LTBP1: variants seen among roughly 807,000 people sequenced by gnomAD.
LTBP1 encodes the protein latent transforming growth factor beta binding protein 1.
A neutral mutation model predicts 207.6 loss-of-function variants in LTBP1; 129 were observed. That is an observed-to-expected ratio of 0.62 (90% confidence interval 0.54 to 0.72). The LOEUF (loss-of-function observed/expected upper bound fraction) is 0.72, where lower values mean the gene tolerates loss of function less well. LTBP1 is among the 30% of genes least tolerant of loss of function. LTBP1 has a pLI of 0.00. For synonymous variants in LTBP1, 963 were observed against 833.7 expected, an observed-to-expected ratio of 1.16 and a Z score of -2.67; for missense variants, 2,281 against 2,217.2, an observed-to-expected ratio of 1.03 and a Z score of -0.58.
chr2:33,122,799 CT>C (rs1349364259), intron 4 of LTBP1, among the ~76,000 whole-genome samples: 1 of 151,670 alleles, frequency 6.6e-6, no homozygotes, highest in African/African-American at 2.4e-5. Context: ...TGAGGTTTGG[CT>C]TATATGGCCA....
intron 24 of LTBP1, among the ~76,000 whole-genome samples, chr2:33,337,851 T>G (rs1015217261): frequency 1.3e-5 from 2 of 152,264 alleles, no homozygotes; most frequent in Non-Finnish European, 2.9e-5. Flanking sequence ...CTTGTTCGTT[T>G]AGTCTTGCTG....
chr2:33,135,281 A>G (rs1394570422), intron 5 of LTBP1, among the ~76,000 whole-genome samples: 1 of 152,188 alleles, frequency 6.6e-6, no homozygotes, highest in East Asian at 1.9e-4. Context: ...ACTTGTGCTG[A>G]TAAGCTTCAA....
At chr2:33,076,575 C>T (rs1233856043) in intron 3 of LTBP1, among the ~76,000 whole-genome samples, 1 of 151,040 alleles carries the variant, frequency 6.6e-6, no homozygotes, top group Non-Finnish European at 1.5e-5. Flanking sequence ...TCACTCTTGT[C>T]ACCCAGGCTG....
chr2:32,960,235 G>A (rs4952324), intron 2 of LTBP1, among the ~76,000 whole-genome samples: 26,517 of 152,028 alleles, frequency 0.17, 2,520 homozygotes, highest in East Asian at 0.27. Flanking sequence ...TGTTGTGAAT[G>A]TCAGGCATAC....
intron 3 of LTBP1, among the ~76,000 whole-genome samples, chr2:33,104,439 G>C (rs2079936550): frequency 6.6e-6 from 1 of 151,940 alleles, no homozygotes; most frequent in Admixed American, 6.6e-5. Flanking sequence ...GATTTCTCTG[G>C]CCCTTGTTGG....
At chr2:33,254,549 G>T (rs868435341) in intron 11 of LTBP1, among the ~76,000 whole-genome samples, 43 of 95,512 alleles carry the variant, frequency 4.5e-4, no homozygotes, top group East Asian at 6.9e-4. Flanking sequence ...TTTAAACTTG[G>T]TTTTTTTTTT....
chr2:33,070,616 T>A (rs2077740284), intron 3 of LTBP1, among the ~76,000 whole-genome samples: 1 of 152,260 alleles, frequency 6.6e-6, no homozygotes, highest in African/African-American at 2.4e-5. Context: ...GGGCCACACC[T>A]AATTTACAAG....
At position 33,342,831 on chromosome 2, in the gene LTBP1, T is replaced by C; in HGVS notation, c.3731-7T>C. The C allele has an allele frequency of 6.2e-7, 1 of 1,613,226 alleles. No homozygotes were observed. The highest frequency in any genetic ancestry group is 1.3e-5 in the African/African-American group (1 of 75,038). On this transcript the variant is annotated splice_region_variant and splice_polypyrimidine_tract_variant and intron_variant, in intron 24 of 33. Transcript: ENST00000404816. ...TTTGTGTCTGATGTTCCATGTCTTTTTTGCAGATATTGATGAATGTGTAAA... is the reference window on the plus strand; with the variant it reads ...TTTGTGTCTGATGTTCCATGTCTTTCTTGCAGATATTGATGAATGTGTAAA...
chr2:33,003,033 T>C (rs1405390845), intron 2 of LTBP1, among the ~76,000 whole-genome samples: 1 of 152,128 alleles, frequency 6.6e-6, no homozygotes, highest in East Asian at 1.9e-4. Context: ...TTACAATACG[T>C]AGAATAATAA....
chr2:33,143,415 G>A (rs1334997925), intron 5 of LTBP1, among the ~76,000 whole-genome samples: 1 of 152,126 alleles, frequency 6.6e-6, no homozygotes, highest in Non-Finnish European at 1.5e-5. Context: ...GCTGTGAGGT[G>A]TACACAGAAT....
intron 2 of LTBP1, among the ~76,000 whole-genome samples, chr2:32,987,847 G>A (rs371214565): frequency 6.6e-6 from 1 of 152,154 alleles, no homozygotes. Context: ...AGCTCCTAAT[G>A]CCTGGAGCCT....
chr2:32,979,059 C>T (rs1682327830), intron 2 of LTBP1, among the ~76,000 whole-genome samples: 1 of 151,372 alleles, frequency 6.6e-6, no homozygotes, highest in Admixed American at 6.6e-5. Context: ...TTTTTTTCAT[C>T]TTTGATTTTA....
Position 33,187,048 on chromosome 2 carries a change from C to T in LTBP1, c.1394C>T (p.Pro465Leu). Residue 465 changes from proline (P) to leucine (L), a missense_variant, in exon 6 of 34, where the codon CCT becomes CTT. Physicochemically the swap from Pro to Leu is moderately conservative, Grantham distance 98. Transcript: ENST00000404816. Reference protein sequence around the residue: ...THVIHSTHTLPLTVTSQQGVK... With the variant: ...THVIHSTHTLLLTVTSQQGVK... Reference sequence around the variant, plus strand: ...GTCATCCATTCAACACATACCTTGCCTCTGACCGTGACTAGCCAGCAAGGA... The same window carrying T: ...GTCATCCATTCAACACATACCTTGCTTCTGACCGTGACTAGCCAGCAAGGA... 1 of 1,614,174 alleles carries T rather than the reference C, an allele frequency of 6.2e-7. No individual in the cohort carries two copies. Among genetic ancestry groups the T allele is most frequent in the Non-Finnish European group, 8.5e-7 (1 of 1,180,030 alleles).
intron 3 of LTBP1, among the ~76,000 whole-genome samples, chr2:33,071,497 G>T (rs1458817758): frequency 6.6e-6 from 1 of 152,192 alleles, no homozygotes; most frequent in Non-Finnish European, 1.5e-5. Flanking sequence ...CATCTTAGAG[G>T]CTGCCTTGCA....
intron 3 of LTBP1, among the ~76,000 whole-genome samples, chr2:33,048,878 C>T (rs74923869): frequency 2.0e-5 from 3 of 152,270 alleles, no homozygotes; most frequent in African/African-American, 7.2e-5. Context: ...CTTAAAGGAA[C>T]TGTTGAATGT....
At chr2:32,992,981 G>A (rs1193599787) in intron 2 of LTBP1, among the ~76,000 whole-genome samples, 2 of 152,094 alleles carry the variant, frequency 1.3e-5, no homozygotes, top group Admixed American at 6.5e-5. Context: ...GTCACCCCAA[G>A]TTTTTGTTGG....
At chr2:33,158,581 T>G (rs2084198344) in intron 5 of LTBP1, among the ~76,000 whole-genome samples, 2 of 151,456 alleles carry the variant, frequency 1.3e-5, no homozygotes, top group Non-Finnish European at 2.9e-5. Context: ...AACAGGCTCT[T>G]GGATCATGCA....
intron 4 of LTBP1, among the ~76,000 whole-genome samples, chr2:33,115,816 A>G (rs1209787827): frequency 2.0e-5 from 3 of 152,234 alleles, no homozygotes; most frequent in Non-Finnish European, 2.9e-5. Flanking sequence ...AGAATAGCAC[A>G]TGTTCAGGAG....
At chr2:33,217,440 G>T in intron 7 of LTBP1, 112 bp from the exon 8 acceptor site, 3 of 588,812 alleles carry the variant, frequency 5.1e-6, no homozygotes, top group South Asian at 4.9e-5. Context: ...CTTTCTAATT[G>T]TGTCGATAAC....
Sources: allele counts gnomAD v4.1 joint callset (sites outside exome capture counted in the v4.1 genomes callset), GRCh38; gene constraint gnomAD v4.1.1; transcripts MANE v1.5; gene names NCBI Gene and HGNC (gene_info 2026-07-23, HGNC 2026-07-21).